CD276: variants seen among roughly 807,000 people sequenced by gnomAD.
CD276 encodes the protein CD276 molecule.
CD276 carries 34 observed loss-of-function variants against 50.0 expected under a neutral mutation model. The ratio of observed to expected loss-of-function variants is 0.68; its 90% confidence interval spans 0.52 to 0.91. CD276 has a LOEUF of 0.91. CD276 is among the 40% of genes least tolerant of loss of function. The pLI is 0.00. For synonymous variants in CD276, 275 were observed against 313.0 expected, an observed-to-expected ratio of 0.88 and a Z score of 1.28; for missense variants, 634 against 717.5, an observed-to-expected ratio of 0.88 and a Z score of 1.33.
intron 1 of CD276, among the ~76,000 whole-genome samples, chr15:73,689,188 C>CTGTT (rs371659611): frequency 0.01 from 1,492 of 142,712 alleles, 27 homozygotes; most frequent in African/African-American, 0.037. Context: ...TCTGTGCCTC[C>CTGTT]TGTGTGTGTG....
intron 1 of CD276, among the ~76,000 whole-genome samples, chr15:73,689,188 CTGTGTGTGTGTGTGTG>C (rs58196751): frequency 7.0e-6 from 1 of 142,624 alleles, no homozygotes; most frequent in Non-Finnish European, 1.5e-5. Flanking sequence ...TCTGTGCCTC[CTGTGTGTGTGTGTGTG>C]TGTGTGTGTG....
chr15:73,700,530 C>A (rs536038426), intron 2 of CD276, among the ~76,000 whole-genome samples: 1 of 152,292 alleles, frequency 6.6e-6, no homozygotes, highest in South Asian at 2.1e-4. Context: ...TACCAGGTTT[C>A]ATTCCCCCAA....
Position 73,711,056 on chromosome 15 carries a change from C to A in CD276, c.1547-79C>A, listed in dbSNP as rs377600414. The A allele has an allele frequency of 2.7e-5, 40 of 1,486,442 alleles. No homozygotes were observed. In the African/African-American group the frequency reaches 4.4e-4, roughly 16 times the overall value. The allele number at this position is 1,486,442 out of a possible 1,614,324, so 92.1% of individuals were successfully genotyped here. Reference sequence around the variant, plus strand: ...CTTGTCCCGCCCCTTCCAGCCCTCACTCCTCCCTCTGCCTGACTCCCTACC... The same window carrying A: ...CTTGTCCCGCCCCTTCCAGCCCTCAATCCTCCCTCTGCCTGACTCCCTACC... On this transcript the variant is annotated intron_variant, in intron 8 of 9. Transcript: ENST00000318443.
At chr15:73,705,047 T>C (rs1227929076) in intron 6 of CD276, among the ~76,000 whole-genome samples, 1 of 152,152 alleles carries the variant, frequency 6.6e-6, no homozygotes, top group African/African-American at 2.4e-5. Context: ...TAGTCTCTGG[T>C]TTCCAGGTTC....
chr15:73,706,513 C>T (rs1003527290), intron 6 of CD276, among the ~76,000 whole-genome samples: 1 of 152,216 alleles, frequency 6.6e-6, no homozygotes, highest in African/African-American at 2.4e-5. Flanking sequence ...CTCCAGTGCC[C>T]TGCAGTGAGG....
At chr15:73,707,234 G>A (rs7178133) in intron 6 of CD276, among the ~76,000 whole-genome samples, 22,022 of 152,280 alleles carry the variant, frequency 0.14, 1,927 homozygotes, top group African/African-American at 0.24. Flanking sequence ...CCCTGGGTGT[G>A]CATCGTCTCC....
intron 2 of CD276, 138 bp downstream of exon 2, chr15:73,699,856 C>A: frequency 2.1e-6 from 2 of 963,548 alleles, no homozygotes; most frequent in Non-Finnish European, 3.0e-6. Flanking sequence ...CTGTGGGATC[C>A]AGTAGGCAAC....
Position 73,713,752 on chromosome 15 carries a change from C to T in CD276, c.*796C>T. On this transcript the variant is annotated 3_prime_UTR_variant, in exon 10 of 10. Transcript: ENST00000318443. Reference sequence around the variant, plus strand: ...AGCATGTGCTGGTCACACTGGTTCTCCAGGGGTCTGTGATGGGGCCCCTGG... The same window carrying T: ...AGCATGTGCTGGTCACACTGGTTCTTCAGGGGTCTGTGATGGGGCCCCTGG... 1 of 436,868 alleles carries T rather than the reference C, an allele frequency of 2.3e-6. No individual in the cohort carries two copies. The highest frequency in any genetic ancestry group is 4.5e-6 in the Non-Finnish European group (1 of 220,370). The allele number at this position is 436,868 out of a possible 1,614,324, so 27.1% of individuals were successfully genotyped here. A position where few individuals can be genotyped will look rare whatever the true frequency, so the allele number is the denominator to read the frequency against.
Position 73,703,091 on chromosome 15 carries a change from C to T in CD276, c.733+5C>T. The T allele has an allele frequency of 1.9e-6, 3 of 1,579,282 alleles. No individual in the cohort carries two copies. Among genetic ancestry groups the T allele is most frequent in the Non-Finnish European group, 2.6e-6 (3 of 1,160,556 alleles). On this transcript the variant is annotated splice_donor_5th_base_variant and intron_variant, in intron 4 of 9. Coordinates refer to ENST00000318443, the MANE Select transcript of CD276 (RefSeq NM_001024736.2). ...CACCCCAGAGAAGCCCCACAGGTTGCTTTGCTTAAATGTCCCCTTGGGGGA... is the reference window on the plus strand; with the variant it reads ...CACCCCAGAGAAGCCCCACAGGTTGTTTTGCTTAAATGTCCCCTTGGGGGA...
At chr15:73,710,904 T>C (rs1900872632) in intron 8 of CD276, among the ~76,000 whole-genome samples, 1 of 152,100 alleles carries the variant, frequency 6.6e-6, no homozygotes, top group Non-Finnish European at 1.5e-5. Context: ...ATTCTATAGA[T>C]GCAGAAAACT....
At chr15:73,705,174 G>A (rs898214246) in intron 6 of CD276, among the ~76,000 whole-genome samples, 4 of 152,190 alleles carry the variant, frequency 2.6e-5, no homozygotes, top group South Asian at 4.1e-4. Flanking sequence ...CTGGGCCGAC[G>A]TGCTCAGTCT....
intron 4 of CD276, 30 bp downstream of exon 4, chr15:73,703,116 A>AG (rs1249529900): frequency 1.3e-6 from 2 of 1,542,794 alleles, no homozygotes; most frequent in Non-Finnish European, 1.8e-6. Context: ...CCCTTGGGGG[A>AG]GGGGGGTTCT....
chr15:73,706,719 G>A lies in CD276; in HGVS notation c.1370-1620G>A, dbSNP rs11574487. Among the ~76,000 whole-genome samples the A allele has an allele frequency of 4.5e-3, 687 of 152,328 alleles. 4 individuals carry two copies. Among genetic ancestry groups the A allele is most frequent in the African/African-American group, 0.015 (626 of 41,570 alleles). ...TTCAGTCCTCCAGCTGGTCTCTCCC[G>A]TACCTGATGAAGTTAGTGAAGTTGT... On this transcript the variant is annotated intron_variant, in intron 6 of 9. Coordinates refer to ENST00000318443, the MANE Select transcript of CD276 (RefSeq NM_001024736.2).
intron 7 of CD276, among the ~76,000 whole-genome samples, chr15:73,709,100 G>A (rs1242082791): frequency 6.6e-6 from 1 of 152,172 alleles, no homozygotes; most frequent in East Asian, 1.9e-4. Flanking sequence ...TGGCAGATAG[G>A]TGAGTACTTG....
Position 73,706,348 on chromosome 15 carries a change from A to G in CD276, c.1369+1876A>G, listed in dbSNP as rs183497730. Among the ~76,000 whole-genome samples, 480 of 152,372 alleles carry G rather than the reference A, an allele frequency of 3.2e-3. 11 individuals are homozygous for G. The highest frequency in any genetic ancestry group is 0.029 in the Admixed American group (437 of 15,302). ...AACTGAGGTCCACAGAGAAGGGGGA[A>G]CTTTCCCAAGGTCACAGACTGGCAC... On this transcript the variant is annotated intron_variant, in intron 6 of 9. Coordinates refer to ENST00000318443, the MANE Select transcript of CD276 (RefSeq NM_001024736.2).
At chr15:73,691,256 C>T (rs1300640950) in intron 1 of CD276, among the ~76,000 whole-genome samples, 2 of 151,862 alleles carry the variant, frequency 1.3e-5, no homozygotes, top group Admixed American at 6.6e-5. Flanking sequence ...TGTTTAAGTA[C>T]CTAGGCAGTC....
At chr15:73,707,725 T>G (rs1900703253) in intron 6 of CD276, among the ~76,000 whole-genome samples, 1 of 152,228 alleles carries the variant, frequency 6.6e-6, no homozygotes, top group South Asian at 2.1e-4. Context: ...ATCACTAGTT[T>G]GTGGACTGTA....
chr15:73,698,951 A>G (rs1244645241), intron 1 of CD276, among the ~76,000 whole-genome samples: 2 of 152,132 alleles, frequency 1.3e-5, no homozygotes, highest in African/African-American at 4.8e-5. Context: ...ATTGTTACCT[A>G]GATTATGTGT....
chr15:73,695,871 G>A (rs1474065143), intron 1 of CD276, among the ~76,000 whole-genome samples: 1 of 152,256 alleles, frequency 6.6e-6, no homozygotes, highest in Non-Finnish European at 1.5e-5. Flanking sequence ...TTGGGAGGAA[G>A]TAGGGGGTTA....
Sources: gnomAD v4.1 joint callset for allele counts (sites outside exome capture counted in the v4.1 genomes callset) on GRCh38, gnomAD v4.1.1 for gene constraint, MANE v1.5 for transcripts, NCBI Gene and HGNC (gene_info 2026-07-23, HGNC 2026-07-21) for gene names.